The following CEP152 variants were observed in gnomAD, a reference collection of about 807,000 sequenced individuals.
The protein encoded by CEP152 is centrosomal protein 152, also known as centrosomal protein of 152 kDa.
Under a neutral mutation model 188.9 loss-of-function variants are expected in CEP152, and 132 were observed. The ratio of observed to expected loss-of-function variants is 0.70; its 90% CI spans 0.61 to 0.81. The LOEUF (loss-of-function observed/expected upper bound fraction) is 0.81. CEP152 is among the 30% of genes least tolerant of loss of function. The pLI is 0.00. For synonymous variants in CEP152, 649 were observed against 666.6 expected, an observed-to-expected ratio of 0.97 and a Z score of 0.41; for missense variants, 1,914 against 1,969.8, an observed-to-expected ratio of 0.97 and a Z score of 0.54.
rs1386966624 is a variant in CEP152, at chr15:48,787,827, G to A, written c.1173+974C>T. Among the ~76,000 whole-genome samples the A allele has an allele frequency of 2.6e-5, 4 of 152,130 alleles. No homozygotes were observed. The East Asian group carries it at 7.7e-4, about 29-fold the overall frequency. On this transcript the variant is annotated intron_variant, in intron 9 of 26. Coordinates refer to ENST00000380950, the MANE Select transcript of CEP152 (RefSeq NM_001194998.2). The stretch of plus-strand genomic sequence containing the variant: ...ATTCTGAAATGTTATTCACTCAAGT[G>A]ATTACCTAGAGTTATGGAGCACAAG...
intron 2 of CEP152, among the ~76,000 whole-genome samples, chr15:48,804,353 C>A (rs1353907291): frequency 1.3e-5 from 2 of 152,248 alleles, no homozygotes; most frequent in East Asian, 1.9e-4. Flanking sequence ...TCTATCACTG[C>A]CTTAATTCTA....
At chr15:48,771,334 A>G (rs967886386) in intron 13 of CEP152, among the ~76,000 whole-genome samples, 1 of 152,204 alleles carries the variant, frequency 6.6e-6, no homozygotes, top group East Asian at 1.9e-4. Context: ...GTGGATTTCA[A>G]TGACTGACAA....
rs183562233 is a variant in CEP152, at chr15:48,788,410, G to A, written c.1173+391C>T. On this transcript the variant is annotated intron_variant, in intron 9 of 26. Coordinates refer to ENST00000380950, the MANE Select transcript of CEP152 (RefSeq NM_001194998.2). ...GTGCAGTGGTGCGATCTCAGCTCAC[G>A]GCAACCTCTGCCTCCCGGGTTCAAG... Among the ~76,000 whole-genome samples the A allele has an allele frequency of 3.0e-3, 435 of 144,782 alleles. 3 individuals carry two copies. The highest frequency in any genetic ancestry group is 9.5e-3 in the South Asian group (42 of 4,406). 95.0% of individuals were successfully genotyped at this position (144,782 alleles called of 152,430 possible).
In CEP152 at chr15:48,738,903, T is replaced by A; in HGVS notation, c.4479A>T (p.Ser1493=). Reference sequence around the variant, plus strand: ...AGGTTCCAAGAAAGGGGTATGCAGCTGAATGCGGAAGTGATTCAGAACCAT... The same window carrying A: ...AGGTTCCAAGAAAGGGGTATGCAGCAGAATGCGGAAGTGATTCAGAACCAT... The part of the protein sequence containing the change: ...SDNGSESLPH[S]AAYPFLGTLG... The change falls in exon 27 of 27, where the codon TCA becomes TCT. Residue 1493 remains serine, a synonymous_variant. Coordinates refer to ENST00000380950, the MANE Select transcript of CEP152 (RefSeq NM_001194998.2). 6.2e-7 allele frequency: 1 copy of A among 1,614,222 alleles called. No homozygotes were observed. The highest frequency in any genetic ancestry group is 1.1e-5 in the South Asian group (1 of 91,080).
intron 22 of CEP152, among the ~76,000 whole-genome samples, chr15:48,746,017 C>G (rs1893388926): frequency 6.6e-6 from 1 of 152,138 alleles, no homozygotes; most frequent in Non-Finnish European, 1.5e-5. Context: ...TCTATTCCCC[C>G]TGGTGATGGA....
At position 48,738,360 on chromosome 15, in the gene CEP152, C is replaced by T. The variant is rs779509459; in HGVS notation, c.5022G>A (p.Leu1674=). ...ADRLKSDFKK[L]SSTLPSSVCQ... ...ACACTGAAGATGGTAATGTACTGCTCAGTTTTTTGAAATCTGACTTTAATC... is the reference window on the plus strand; with the variant it reads ...ACACTGAAGATGGTAATGTACTGCTTAGTTTTTTGAAATCTGACTTTAATC... The change falls in exon 27 of 27, where the codon CTG becomes CTA. Residue 1674 remains leucine, a synonymous_variant. Coordinates refer to ENST00000380950, the MANE Select transcript of CEP152 (RefSeq NM_001194998.2). The T allele has an allele frequency of 6.2e-7, 1 of 1,614,146 alleles. No individual in the cohort carries two copies. Among genetic ancestry groups the T allele is most frequent in the South Asian group, 1.1e-5 (1 of 91,072 alleles).
chr15:48,747,575 A>G (rs1159452196), intron 22 of CEP152, among the ~76,000 whole-genome samples: 2 of 152,222 alleles, frequency 1.3e-5, no homozygotes, highest in Non-Finnish European at 2.9e-5. Context: ...CAGATAAAGC[A>G]TCTTCTGAGT....
intron 23 of CEP152, 84 bp from the exon 24 acceptor site, chr15:48,744,427 T>C (rs1186095350): frequency 2.6e-6 from 4 of 1,560,156 alleles, no homozygotes; most frequent in Non-Finnish European, 3.5e-6. Context: ...CCATATACTC[T>C]AATAAAGTTA....
intron 9 of CEP152, among the ~76,000 whole-genome samples, chr15:48,787,528 TATAAA>T (rs1452103544): frequency 6.6e-6 from 1 of 151,950 alleles, no homozygotes; most frequent in East Asian, 1.9e-4. Context: ...AATTTTTTTA[TATAAA>T]ATAAATACAT....
chr15:48,744,799 T>A, intron 23 of CEP152, 97 bp downstream of exon 23: 1 of 1,129,924 alleles, frequency 8.9e-7, no homozygotes. Context: ...TTTTATACTT[T>A]TTGCTGTATA....
chr15:48,787,167 T>TTTTTTTTTG (rs1555425541), intron 9 of CEP152, among the ~76,000 whole-genome samples: 2 of 139,276 alleles, frequency 1.4e-5, no homozygotes, highest in East Asian at 4.0e-4. Context: ...GCCTTCGTTT[T>TTTTTTTTTG]TTTTTTTTTT....
Position 48,779,964 on chromosome 15 carries a change from T to C in CEP152, c.1577+1232A>G, listed in dbSNP as rs1361715622. Among the ~76,000 whole-genome samples the C allele has an allele frequency of 2.6e-5, 4 of 152,256 alleles. No individual in the cohort carries two copies. In the East Asian group the frequency reaches 7.7e-4, roughly 29 times the overall value. On this transcript the variant is annotated intron_variant, in intron 12 of 26. Transcript: ENST00000380950. ...CACGTAAATGTGTAGAGCTATTTGC[T>C]GTGATACTCAGCAACTCTAGCCTGT... is the stretch of plus-strand genomic sequence containing the variant.
intron 15 of CEP152, 24 bp from the exon 16 acceptor site, chr15:48,767,487 GC>G: frequency 6.2e-7 from 1 of 1,613,896 alleles, no homozygotes. Context: ...GGAATCAAAG[GC>G]AATGCCCAGT....
At chr15:48,736,668 G>A (rs1256535441), downstream of CEP152, among the ~76,000 whole-genome samples, 1 of 152,154 alleles carries the variant, frequency 6.6e-6, no homozygotes, top group Non-Finnish European at 1.5e-5. Flanking sequence ...GATATAGGAT[G>A]TATGACATAA....
Position 48,738,598 on chromosome 15 carries a change from G to A in CEP152, c.4784C>T (p.Pro1595Leu), listed in dbSNP as rs145652839. The A allele has an allele frequency of 2.6e-4, 422 of 1,614,142 alleles. 1 individual carries two copies. The African/African-American group carries it at 4.8e-3, about 18-fold the overall frequency. Residue 1595 changes from proline to leucine, a missense_variant, in exon 27 of 27, where the codon CCA (proline) becomes CTA (leucine). Coordinates refer to ENST00000380950, the MANE Select transcript of CEP152 (RefSeq NM_001194998.2). ...SREASFVHGR[P>L]QGTLEIPSES... ...ACTTGGTATTTCCAAAGTTCCTTGT[G>A]GCCTACCATGTACAAATGATGCTTC...
intron 9 of CEP152, among the ~76,000 whole-genome samples, chr15:48,785,913 A>G (rs1229911811): frequency 7.2e-6 from 1 of 138,414 alleles, no homozygotes; most frequent in South Asian, 2.2e-4. Context: ...CTCAAAAAAA[A>G]AAAAAAAGAG....
At chr15:48,758,914 C>T (rs1024238901) in intron 19 of CEP152, among the ~76,000 whole-genome samples, 13 of 152,014 alleles carry the variant, frequency 8.6e-5, no homozygotes, top group Non-Finnish European at 1.6e-4. Flanking sequence ...ATACAGCCTT[C>T]TATGTTCTTA....
Position 48,797,348 on chromosome 15 carries a change from C to T in CEP152, c.493G>A (p.Ala165Thr). Residue 165 changes from alanine to threonine, a missense_variant, in exon 5 of 27, where the codon GCA (alanine) becomes ACA (threonine). Ala to Thr is a moderately conservative substitution (Grantham distance 58). Coordinates refer to ENST00000380950, the MANE Select transcript of CEP152 (RefSeq NM_001194998.2). ...TCTGAAAATTTAATTACATTGGTTG[C>T]TTGGTTATTAAATTCCTGCTTCTGA... ...NGQKQEFNNQ[A>T]TNVIKFSDPQ... 1 of 1,614,036 alleles carries T rather than the reference C, an allele frequency of 6.2e-7. No homozygotes were observed. The highest frequency in any genetic ancestry group is 8.5e-7 in the Non-Finnish European group (1 of 1,179,984).
At chr15:48,780,578 A>G (rs957885111) in intron 12 of CEP152, among the ~76,000 whole-genome samples, 3 of 152,222 alleles carry the variant, frequency 2.0e-5, no homozygotes, top group Non-Finnish European at 2.9e-5. Flanking sequence ...AAACGCATCC[A>G]AAAATCTTTT....
Sources: gnomAD v4.1 joint callset for allele counts (sites outside exome capture counted in the v4.1 genomes callset) on GRCh38, gnomAD v4.1.1 for gene constraint, MANE v1.5 for transcripts, NCBI Gene and HGNC (gene_info 2026-07-23, HGNC 2026-07-21) for gene names.